The following EPRS1 variants were observed in gnomAD, a reference collection of about 807,000 sequenced individuals.
The protein encoded by EPRS1 is bifunctional glutamate/proline--tRNA ligase.
EPRS1 carries 107 observed loss-of-function variants against 188.3 expected under a neutral mutation model. The ratio of observed to expected loss-of-function variants is 0.57; its 90% confidence interval spans 0.49 to 0.67. The LOEUF (loss-of-function observed/expected upper bound fraction) is 0.67, where lower values mean the gene tolerates loss of function less well. EPRS1 is among the 30% of genes least tolerant of loss of function. The pLI is 0.00. For missense variants in EPRS1, 1,577 were observed against 1,802.2 expected (o/e 0.88, Z 2.26); for synonymous variants, 596 against 593.1 (o/e 1.00, Z -0.07).
chr1:220,001,037 T>G lies in EPRS1; in HGVS notation c.2181+101A>C. The G allele has an allele frequency of 6.7e-6, 5 of 743,940 alleles. No homozygotes were observed. The South Asian group carries it at 7.8e-5, about 12-fold the overall frequency. 46.1% of individuals were successfully genotyped at this position (743,940 alleles called of 1,614,324 possible). A position where few individuals can be genotyped will look rare whatever the true frequency, so the allele number is the denominator to read the frequency against. On this transcript the variant is annotated intron_variant, in intron 17 of 31. Transcript: ENST00000366923. ...AGCAAGACTTAACTGTCTTCTTCAG[T>G]CTCCACAGTAAGAAAGATAATCATC...
Position 219,968,722 on chromosome 1 carries a change from A to G in EPRS1, c.*84T>C. 5.2e-6 allele frequency: 7 copies of G among 1,351,350 alleles called. No homozygotes were observed. Among genetic ancestry groups the G allele is most frequent in the Non-Finnish European group, 7.2e-6 (7 of 968,412 alleles). The allele number at this position is 1,351,350 out of a possible 1,614,324, so 83.7% of individuals were successfully genotyped here. A position where few individuals can be genotyped will look rare whatever the true frequency, so the allele number is the denominator to read the frequency against. ...TAGAACTTTTACTTTTTAAAAAATC[A>G]TAAAACGGTCTGTATCTGAGAAGAT... On this transcript the variant is annotated 3_prime_UTR_variant, in exon 32 of 32. Coordinates refer to ENST00000366923, the MANE Select transcript of EPRS1 (RefSeq NM_004446.3).
At chr1:219,976,265 C>T (rs1356392095) in intron 28 of EPRS1, among the ~76,000 whole-genome samples, 1 of 152,138 alleles carries the variant, frequency 6.6e-6, no homozygotes, top group Non-Finnish European at 1.5e-5. Flanking sequence ...TGTGCTGTGT[C>T]AAGATCACGA....
chr1:220,028,509 G>C (rs962275528), intron 6 of EPRS1, among the ~76,000 whole-genome samples: 1 of 151,946 alleles, frequency 6.6e-6, no homozygotes, highest in African/African-American at 2.4e-5. Context: ...GCATGAGTTA[G>C]AACTGATGCT....
At chr1:220,000,396 A>G (rs890135187) in intron 17 of EPRS1, among the ~76,000 whole-genome samples, 1 of 152,226 alleles carries the variant, frequency 6.6e-6, no homozygotes, top group Non-Finnish European at 1.5e-5. Context: ...TATTTTCACT[A>G]TATTACGATG....
rs1660934159 is a variant in EPRS1, at chr1:219,983,278, G to C, written c.3211C>G (p.Leu1071Val). 6.2e-7 allele frequency: 1 copy of C among 1,613,946 alleles called. No individual in the cohort carries two copies. Among genetic ancestry groups the C allele is most frequent in the Admixed American group, 1.7e-5 (1 of 60,004 alleles). ...KDFFDAEIKK[L>V]GVENCYFPMF... ...GGGAAGTAGCAGTTTTCAACACCAA[G>C]TTTCTTGATCTCAGCATCAAAAAAG... The change falls in exon 22 of 32, where the codon CTT (leucine) becomes GTT (valine). Residue 1071 changes from leucine (L) to valine (V), a missense_variant. Physicochemically the swap from Leu to Val is conservative, Grantham distance 32. Transcript: ENST00000366923.
intron 19 of EPRS1, among the ~76,000 whole-genome samples, chr1:219,988,207 T>C (rs1317181350): frequency 1.3e-5 from 2 of 152,166 alleles, no homozygotes; most frequent in Non-Finnish European, 2.9e-5. Context: ...TAAAACCTAC[T>C]ATTTCAGTTT....
chr1:220,027,298 G>A (rs1293997012), intron 6 of EPRS1, among the ~76,000 whole-genome samples: 1 of 152,064 alleles, frequency 6.6e-6, no homozygotes, highest in East Asian at 1.9e-4. Context: ...AGTGGTGGCA[G>A]GCACCTGTAG....
intron 27 of EPRS1, among the ~76,000 whole-genome samples, 191 bp downstream of exon 27, chr1:219,979,227 A>C (rs1479857323): frequency 6.6e-6 from 1 of 152,272 alleles, no homozygotes; most frequent in Non-Finnish European, 1.5e-5. Context: ...TAAAAATTAA[A>C]AGAGTAAGAA....
intron 18 of EPRS1, among the ~76,000 whole-genome samples, chr1:219,994,397 A>G (rs1376366115): frequency 6.6e-6 from 1 of 152,210 alleles, no homozygotes; most frequent in Middle Eastern, 3.2e-3. Context: ...ATAAATGGGT[A>G]AATAATTATC....
chr1:220,030,310 T>TTTAAGTA, intron 6 of EPRS1, 76 bp downstream of exon 6: 1 of 912,850 alleles, frequency 1.1e-6, no homozygotes, highest in Admixed American at 2.0e-5. Flanking sequence ...CTATTAATAC[T>TTTAAGTA]TTAAGTATTT....
chr1:219,982,731 G>A (rs371743379), intron 23 of EPRS1, 41 bp downstream of exon 23: 119 of 1,519,578 alleles, frequency 7.8e-5, no homozygotes, highest in African/African-American at 2.9e-4. Context: ...TGTCTCTAAC[G>A]TTCAGTGAGC....
chr1:219,982,862 T>C lies in EPRS1; in HGVS notation c.3301-18A>G. ...CAAGCAACCTAGTAAGAAAAAATCA[T>C]TTTTCATACTTTTTTTTCAATAGCA... On this transcript the variant is annotated intron_variant, in intron 22 of 31. Coordinates refer to ENST00000366923, the MANE Select transcript of EPRS1 (RefSeq NM_004446.3). 1 of 1,609,618 alleles carries C rather than the reference T, an allele frequency of 6.2e-7. No homozygotes were observed. The highest frequency in any genetic ancestry group is 8.5e-7 in the Non-Finnish European group (1 of 1,175,950).
intron 20 of EPRS1, among the ~76,000 whole-genome samples, chr1:219,985,399 C>A (rs1232411625): frequency 6.6e-6 from 1 of 151,862 alleles, no homozygotes; most frequent in Non-Finnish European, 1.5e-5. Flanking sequence ...GTAAGTTTTT[C>A]TTTTTCTTTT....
intron 6 of EPRS1, among the ~76,000 whole-genome samples, chr1:220,028,914 A>G (rs1662036564): frequency 6.6e-6 from 1 of 152,136 alleles, no homozygotes; most frequent in South Asian, 2.1e-4. Flanking sequence ...AAAACTAAAT[A>G]CTGATTTATA....
At chr1:220,019,816 C>G (rs1026591710) in intron 10 of EPRS1, among the ~76,000 whole-genome samples, 172 bp downstream of exon 10, 2 of 152,138 alleles carry the variant, frequency 1.3e-5, no homozygotes, top group Non-Finnish European at 2.9e-5. Flanking sequence ...GGCATTAAAA[C>G]AAGAAGGGGA....
intron 12 of EPRS1, among the ~76,000 whole-genome samples, chr1:220,017,230 A>G (rs1473241064): frequency 1.3e-5 from 2 of 152,176 alleles, no homozygotes; most frequent in Non-Finnish European, 2.9e-5. Context: ...AAATATAAGT[A>G]ATAAATACCA....
At chr1:220,013,007 G>A (rs890446912) in intron 12 of EPRS1, among the ~76,000 whole-genome samples, 2 of 152,226 alleles carry the variant, frequency 1.3e-5, no homozygotes, top group Non-Finnish European at 2.9e-5. Flanking sequence ...GATGCAAGGG[G>A]TTGAGATGAG....
chr1:220,013,611 C>A (rs1359523243), intron 12 of EPRS1, among the ~76,000 whole-genome samples: 1 of 152,154 alleles, frequency 6.6e-6, no homozygotes, highest in East Asian at 1.9e-4. Flanking sequence ...AACTCCACGG[C>A]GCTAAATTTA....
At chr1:220,045,634 A>G (rs954443635) in intron 1 of EPRS1, among the ~76,000 whole-genome samples, 2 of 152,260 alleles carry the variant, frequency 1.3e-5, no homozygotes, top group Non-Finnish European at 2.9e-5. Flanking sequence ...AATTCCAAAC[A>G]GAACTTAAGA....
Sources: allele counts gnomAD v4.1 joint callset (sites outside exome capture counted in the v4.1 genomes callset), GRCh38; gene constraint gnomAD v4.1.1; transcripts MANE v1.5; gene names NCBI Gene and HGNC (gene_info 2026-07-23, HGNC 2026-07-21).